RBM47: variants seen among roughly 807,000 people sequenced by gnomAD.
The protein encoded by RBM47 is RNA binding motif protein 47, also known as RNA-binding protein 47.
A neutral mutation model predicts 47.1 loss-of-function variants in RBM47; 21 were observed. The ratio of observed to expected loss-of-function variants is 0.45; its 90% CI spans 0.32 to 0.64. RBM47 has a LOEUF of 0.64. Among genes scored for constraint, RBM47 ranks in the 30% least tolerant of loss-of-function variants. The probability of loss-of-function intolerance (pLI) is 0.05; values close to 1 mark genes in which losing one functional copy is unlikely to be tolerated. For synonymous variants in RBM47, 375 were observed against 361.7 expected, an observed-to-expected ratio of 1.04 and a Z score of -0.42; for missense variants, 708 against 870.9, an observed-to-expected ratio of 0.81 and a Z score of 2.35.
chr4:40,497,446 C>G (rs1283286380), intron 2 of RBM47, among the ~76,000 whole-genome samples: 1 of 147,418 alleles, frequency 6.8e-6, no homozygotes, highest in Admixed American at 6.7e-5. Flanking sequence ...AGTGGGACCC[C>G]CTTCTCTTCA....
At chr4:40,442,767 T>G (rs1318412697) in intron 3 of RBM47, among the ~76,000 whole-genome samples, 1 of 152,098 alleles carries the variant, frequency 6.6e-6, no homozygotes, top group African/African-American at 2.4e-5. Context: ...AACCTCCACC[T>G]CTCAGGTTCA....
intron 2 of RBM47, among the ~76,000 whole-genome samples, chr4:40,480,195 C>A (rs1401424711): frequency 6.6e-6 from 1 of 152,058 alleles, no homozygotes; most frequent in Non-Finnish European, 1.5e-5. Flanking sequence ...TCAGGCTGGT[C>A]TCGAACTCCT....
chr4:40,434,814 C>T (rs1371066698), intron 5 of RBM47, among the ~76,000 whole-genome samples: 2 of 151,702 alleles, frequency 1.3e-5, no homozygotes, highest in Non-Finnish European at 2.9e-5. Context: ...GTCCCAAATG[C>T]ACAGATTCCT....
chr4:40,525,088 T>C (rs1726564172), intron 2 of RBM47, among the ~76,000 whole-genome samples: 1 of 152,160 alleles, frequency 6.6e-6, no homozygotes, highest in Non-Finnish European at 1.5e-5. Context: ...ATGAATCTGC[T>C]TGCACCCAAC....
chr4:40,479,154 C>T (rs1008419093), intron 2 of RBM47, among the ~76,000 whole-genome samples: 3 of 152,170 alleles, frequency 2.0e-5, no homozygotes, highest in Admixed American at 1.3e-4. Context: ...ATGATTAAAG[C>T]ACCATAGTAT....
chr4:40,432,846 A>C lies in RBM47; in HGVS notation c.1347T>G (p.Ile449Met). 6.2e-7 allele frequency: 1 copy of C among 1,613,148 alleles called. No homozygotes were observed. The highest frequency in any genetic ancestry group is 8.5e-7 in the Non-Finnish European group (1 of 1,179,800). The part of the protein sequence containing the change: ...IKPGTVAIPA[I>M]GAQYSMFPAA... Reference sequence around the variant, plus strand: ...CTGGAAACATGGAATACTGAGCCCCAATGGCAGGGATGGCTACTGCAAGAG... The same window carrying C: ...CTGGAAACATGGAATACTGAGCCCCCATGGCAGGGATGGCTACTGCAAGAG... Residue 449 changes from isoleucine (I) to methionine (M), a missense_variant, in exon 6 of 7, where the codon ATT becomes ATG. Transcript: ENST00000295971.
At chr4:40,568,270 A>C (rs537406049) in intron 1 of RBM47, among the ~76,000 whole-genome samples, 1 of 151,486 alleles carries the variant, frequency 6.6e-6, no homozygotes, top group South Asian at 2.1e-4. Flanking sequence ...TACAAAAAAA[A>C]CACAAAAATT....
chr4:40,599,286 C>CTA (rs1167089804), intron 1 of RBM47, among the ~76,000 whole-genome samples: 1 of 151,776 alleles, frequency 6.6e-6, no homozygotes, highest in Non-Finnish European at 1.5e-5. Context: ...AGAGAAGTCC[C>CTA]TAAAGTTCAA....
At chr4:40,483,253 A>G (rs1278793953) in intron 2 of RBM47, among the ~76,000 whole-genome samples, 1 of 152,228 alleles carries the variant, frequency 6.6e-6, no homozygotes, top group Admixed American at 6.5e-5. Context: ...AAGGCATTCA[A>G]TTTTGAATTG....
At chr4:40,462,937 AATAG>A (rs1269948411) in intron 3 of RBM47, among the ~76,000 whole-genome samples, 15 of 152,226 alleles carry the variant, frequency 9.9e-5, no homozygotes, top group Admixed American at 5.9e-4. Context: ...CAAAAGAAAA[AATAG>A]ATAAAGTAAA....
At chr4:40,591,616 C>T (rs1734144099) in intron 1 of RBM47, among the ~76,000 whole-genome samples, 1 of 152,150 alleles carries the variant, frequency 6.6e-6, no homozygotes. Context: ...ATTGCTTGAA[C>T]CCAGGAGGCA....
At chr4:40,616,679 C>T (rs766469661) in intron 1 of RBM47, among the ~76,000 whole-genome samples, 89 of 152,104 alleles carry the variant, frequency 5.9e-4, no homozygotes, top group Non-Finnish European at 4.9e-4. Context: ...TTTCCACCCA[C>T]ATAATATGCA....
At chr4:40,551,142 T>C (rs1729522740) in intron 1 of RBM47, among the ~76,000 whole-genome samples, 1 of 152,176 alleles carries the variant, frequency 6.6e-6, no homozygotes, top group African/African-American at 2.4e-5. Flanking sequence ...AGAGTGAATG[T>C]TCTGACCTGC....
chr4:40,432,842 C>A lies in RBM47; in HGVS notation c.1351G>T (p.Ala451Ser), dbSNP rs766983200. The change falls in exon 6 of 7, where the codon GCT (alanine) becomes TCT (serine). Residue 451 changes from alanine (A) to serine (S), a missense_variant. Ala to Ser is a moderately conservative substitution (Grantham distance 99, BLOSUM62 1). Transcript: ENST00000295971. Reference protein sequence around the residue: ...PGTVAIPAIGAQYSMFPAAPA... With the variant: ...PGTVAIPAIGSQYSMFPAAPA... ...GCTGCTGGAAACATGGAATACTGAG[C>A]CCCAATGGCAGGGATGGCTACTGCA... is the stretch of plus-strand genomic sequence containing the variant. 6.8e-6 allele frequency: 11 copies of A among 1,612,950 alleles called. No individual in the cohort carries two copies. The African/African-American group carries it at 1.3e-4, about 20-fold the overall frequency.
chr4:40,480,799 A>T (rs1212557287), intron 2 of RBM47, among the ~76,000 whole-genome samples: 1 of 152,164 alleles, frequency 6.6e-6, no homozygotes, highest in East Asian at 1.9e-4. Flanking sequence ...AATTATTAGT[A>T]TTTACCTAAT....
chr4:40,546,677 A>G (rs568186258), intron 1 of RBM47, among the ~76,000 whole-genome samples: 2 of 152,330 alleles, frequency 1.3e-5, no homozygotes, highest in African/African-American at 2.4e-5. Context: ...TCTGATTAAC[A>G]TACAGTGCTG....
At chr4:40,553,686 A>G (rs1279208222) in intron 1 of RBM47, among the ~76,000 whole-genome samples, 2 of 152,142 alleles carry the variant, frequency 1.3e-5, no homozygotes, top group South Asian at 4.1e-4. Context: ...TTCTTCACCA[A>G]GGCACTCCCA....
intron 3 of RBM47, among the ~76,000 whole-genome samples, chr4:40,463,699 G>A (rs566864965): frequency 4.0e-5 from 6 of 151,816 alleles, no homozygotes; most frequent in African/African-American, 1.4e-4. Context: ...GTAGGTAAAG[G>A]GGAGGGAATA....
intron 1 of RBM47, among the ~76,000 whole-genome samples, chr4:40,583,388 GAAAAAAAAAAAA>G (rs56371832): frequency 4.4e-5 from 4 of 91,102 alleles, no homozygotes; most frequent in Admixed American, 1.2e-4. Flanking sequence ...CTCCATCTCA[GAAAAAAAAAAAA>G]AAAAAAAAAA....
Sources: gnomAD v4.1 joint callset for allele counts (sites outside exome capture counted in the v4.1 genomes callset) on GRCh38, gnomAD v4.1.1 for gene constraint, MANE v1.5 for transcripts, NCBI Gene and HGNC (gene_info 2026-07-23, HGNC 2026-07-21) for gene names.